Variants in CDK17 observed in about 807,000 individuals in gnomAD.
CDK17 encodes the protein cyclin dependent kinase 17, also known as cyclin-dependent kinase 17.
A neutral mutation model predicts 77.6 loss-of-function variants in CDK17; 24 were observed. That is an observed-to-expected ratio of 0.31 (90% confidence interval 0.22 to 0.44). The LOEUF (loss-of-function observed/expected upper bound fraction) is 0.44, where lower values mean the gene tolerates loss of function less well. CDK17 is among the 20% of genes least tolerant of loss of function. The probability of loss-of-function intolerance (pLI) is 1.00; values close to 1 mark genes in which losing one functional copy is unlikely to be tolerated. For synonymous variants in CDK17, 203 were observed against 210.4 expected, an observed-to-expected ratio of 0.96 and a Z score of 0.30; for missense variants, 429 against 622.5, an observed-to-expected ratio of 0.69 and a Z score of 3.31.
In CDK17 at chr12:96,297,823, G is replaced by C; in HGVS notation, c.716-102C>G. 4.7e-6 allele frequency: 3 copies of C among 633,922 alleles called. No homozygotes were observed. In the South Asian group the frequency reaches 6.6e-5, roughly 14 times the overall value. The allele number at this position is 633,922 out of a possible 1,614,324, so 39.3% of individuals were successfully genotyped here. On this transcript the variant is annotated intron_variant, in intron 7 of 16. Transcript: ENST00000261211. Reference sequence around the variant, plus strand: ...TGATTAAAAGATTCTCTTAAGTTTAGGTCTTGGGCGGTGGCTCACCCCTAT... The same window carrying C: ...TGATTAAAAGATTCTCTTAAGTTTACGTCTTGGGCGGTGGCTCACCCCTAT...
rs568178945 is a variant in CDK17, at chr12:96,330,978, GCT to G, written c.118+3739_118+3740del. The stretch of plus-strand genomic sequence containing the variant: ...TTGTTTGTTTTTGAGATGCAGTCTA[GCT>G]CTGTTACCCAGGCTGGAATGCAGGG... On this transcript the variant is annotated intron_variant, in intron 2 of 16. Coordinates refer to ENST00000261211, the MANE Select transcript of CDK17 (RefSeq NM_002595.5). Among the ~76,000 whole-genome samples the G allele has an allele frequency of 9.2e-5, 14 of 152,242 alleles. No individual in the cohort carries two copies. In the South Asian group the frequency reaches 2.9e-3, roughly 32 times the overall value.
chr12:96,330,653 A>G (rs1952953686), intron 2 of CDK17, among the ~76,000 whole-genome samples: 1 of 152,202 alleles, frequency 6.6e-6, no homozygotes, highest in African/African-American at 2.4e-5. Context: ...CAGTTTTCAA[A>G]GTTCATCTAT....
intron 2 of CDK17, among the ~76,000 whole-genome samples, chr12:96,330,561 C>G (rs1272371192): frequency 6.6e-6 from 1 of 152,168 alleles, no homozygotes; most frequent in Non-Finnish European, 1.5e-5. Context: ...AACCACTCAT[C>G]TACTTTTTGT....
intron 1 of CDK17, among the ~76,000 whole-genome samples, chr12:96,373,602 A>G (rs1243958869): frequency 6.6e-6 from 1 of 151,180 alleles, no homozygotes; most frequent in Non-Finnish European, 1.5e-5. Flanking sequence ...TCTCAGAAGA[A>G]AAGAGAGAGA....
intron 3 of CDK17, 31 bp from the exon 4 acceptor site, chr12:96,313,485 T>A: frequency 8.0e-7 from 1 of 1,256,544 alleles, no homozygotes; most frequent in Non-Finnish European, 1.1e-6. Context: ...TTAAAAGAGA[T>A]ACATTATATT....
rs576401576 is a variant in CDK17 at position 96,362,590 on chromosome 12, T to C, written c.-29-27725A>G. 7.7e-5 allele frequency among the ~76,000 whole-genome samples: 8 copies of C among 104,438 alleles called. No individual in the cohort carries two copies. The East Asian group carries it at 9.7e-4, about 13-fold the overall frequency. The allele number at this position is 104,438 out of a possible 152,430, so 68.5% of individuals were successfully genotyped here. A position where few individuals can be genotyped will look rare whatever the true frequency, so the allele number is the denominator to read the frequency against. On this transcript the variant is annotated intron_variant, in intron 1 of 16. Coordinates refer to ENST00000261211, the MANE Select transcript of CDK17 (RefSeq NM_002595.5). ...AGAGGATTCTCTAATATCCTATCTG[T>C]AAAACTTCATCTGTAAATCACCCAA...
intron 14 of CDK17, among the ~76,000 whole-genome samples, chr12:96,283,072 AATT>A (rs1952197536): frequency 6.6e-6 from 1 of 152,042 alleles, no homozygotes; most frequent in Non-Finnish European, 1.5e-5. Context: ...AACTGTTTTA[AATT>A]TTGGCTAATT....
At chr12:96,319,922 T>C (rs1406805821) in intron 3 of CDK17, among the ~76,000 whole-genome samples, 6 of 148,544 alleles carry the variant, frequency 4.0e-5, no homozygotes, top group Non-Finnish European at 8.9e-5. Flanking sequence ...CCGCTCCTAT[T>C]CAACATAGTG....
intron 1 of CDK17, among the ~76,000 whole-genome samples, 199 bp downstream of exon 1, chr12:96,399,787 G>A (rs1319467285): frequency 6.6e-6 from 1 of 151,924 alleles, no homozygotes; most frequent in East Asian, 2.0e-4. Context: ...GGCGACCCAA[G>A]GTCCTCGCTG....
chr12:96,368,776 G>A (rs958674646), intron 1 of CDK17, among the ~76,000 whole-genome samples: 1 of 129,848 alleles, frequency 7.7e-6, no homozygotes, highest in African/African-American at 2.9e-5. Flanking sequence ...TTCCTTGGAA[G>A]AGGAAATTTA....
chr12:96,333,269 T>G (rs1385184263), intron 2 of CDK17, among the ~76,000 whole-genome samples: 1 of 152,112 alleles, frequency 6.6e-6, no homozygotes, highest in East Asian at 1.9e-4. Flanking sequence ...TGTTTGAGAT[T>G]TGACCCAAAT....
intron 9 of CDK17, among the ~76,000 whole-genome samples, chr12:96,296,173 A>G (rs752211989): frequency 3.9e-4 from 60 of 152,340 alleles, no homozygotes; most frequent in Non-Finnish European, 7.4e-4. Flanking sequence ...TAAGCTAATC[A>G]TGTAAACCTG....
At chr12:96,302,884 C>T (rs986770019) in intron 5 of CDK17, among the ~76,000 whole-genome samples, 1 of 152,012 alleles carries the variant, frequency 6.6e-6, no homozygotes, top group Admixed American at 6.6e-5. Flanking sequence ...TACTGAATTC[C>T]ACCCATGCAG....
chr12:96,326,565 T>G (rs1227755325), intron 2 of CDK17, among the ~76,000 whole-genome samples: 2 of 152,336 alleles, frequency 1.3e-5, no homozygotes, highest in East Asian at 1.9e-4. Context: ...GAGTTCGACT[T>G]GTTAGAACAG....
chr12:96,320,507 C>A (rs1342104570), intron 3 of CDK17, among the ~76,000 whole-genome samples: 3 of 147,570 alleles, frequency 2.0e-5, no homozygotes, highest in Admixed American at 2.0e-4. Context: ...CAAGTCAATC[C>A]TAAGCCAAAA....
At chr12:96,316,409 A>G (rs1952719355) in intron 3 of CDK17, among the ~76,000 whole-genome samples, 1 of 147,726 alleles carries the variant, frequency 6.8e-6, no homozygotes. Context: ...AGGCTTGCTT[A>G]GGTAAACAAA....
chr12:96,352,117 G>C (rs1405789903), intron 1 of CDK17, among the ~76,000 whole-genome samples: 1 of 152,074 alleles, frequency 6.6e-6, no homozygotes, highest in African/African-American at 2.4e-5. Context: ...CTTTTCAAGG[G>C]GAACACGGGG....
intron 1 of CDK17, among the ~76,000 whole-genome samples, chr12:96,396,749 C>T (rs775468644): frequency 2.0e-5 from 3 of 152,022 alleles, no homozygotes; most frequent in Non-Finnish European, 4.4e-5. Flanking sequence ...AATTATCCAT[C>T]CTGAAAGTCT....
At chr12:96,339,327 G>A (rs12049922) in intron 1 of CDK17, among the ~76,000 whole-genome samples, 88,909 of 151,420 alleles carry the variant, frequency 0.59, 26,442 homozygotes, top group East Asian at 0.85. Flanking sequence ...TTGTGCTGCA[G>A]CTGTAAAATA....
Sources: allele counts gnomAD v4.1 joint callset (sites outside exome capture counted in the v4.1 genomes callset), GRCh38; gene constraint gnomAD v4.1.1; transcripts MANE v1.5; gene names NCBI Gene and HGNC (gene_info 2026-07-23, HGNC 2026-07-21).